The following DMD variants were observed in gnomAD, a reference collection of about 807,000 sequenced individuals.
The protein encoded by DMD is mutant dystrophin.
A neutral mutation model predicts 330.1 loss-of-function variants in DMD; 63 were observed. The ratio of observed to expected loss-of-function variants is 0.19; its 90% CI spans 0.16 to 0.24. DMD has a LOEUF of 0.24. Ranked by LOEUF, DMD falls within the 10% of genes least tolerant of loss-of-function variation. DMD has a pLI of 1.00. For synonymous variants in DMD, 1,223 were observed against 959.8 expected (o/e 1.27, Z -5.07); for missense variants, 3,344 against 2,684.1 (o/e 1.25, Z -5.43).
At chrX:32,706,704 G>C (rs372703454) in intron 7 of DMD, among the ~76,000 whole-genome samples, 7 of 112,503 alleles carry the variant, frequency 6.2e-5, no homozygotes, top group African/African-American at 2.3e-4. Flanking sequence ...TGAGCGTTCT[G>C]TTAATCAATA....
At chrX:31,986,278 T>G (rs2095508272) in intron 44 of DMD, among the ~76,000 whole-genome samples, 1 of 112,096 alleles carries the variant, frequency 8.9e-6, no homozygotes, top group African/African-American at 3.2e-5. Flanking sequence ...AATAAAATAT[T>G]AAATAAAAGA....
At chrX:31,292,046 T>C (rs969947152) in intron 62 of DMD, among the ~76,000 whole-genome samples, 37 of 111,847 alleles carry the variant, frequency 3.3e-4, no homozygotes, top group Admixed American at 9.5e-4. Flanking sequence ...ACATTCATTA[T>C]CTTGTATTAG....
chrX:32,585,191 G>A (rs2054091555), intron 13 of DMD, among the ~76,000 whole-genome samples: 1 of 111,014 alleles, frequency 9.0e-6, no homozygotes, highest in Non-Finnish European at 1.9e-5. Context: ...TGGGAAGAGT[G>A]TGTGGATGGA....
At chrX:31,269,497 C>A (rs1362304748) in intron 62 of DMD, among the ~76,000 whole-genome samples, 3 of 111,433 alleles carry the variant, frequency 2.7e-5, no homozygotes, top group Non-Finnish European at 5.6e-5. Flanking sequence ...TAGAATGGTG[C>A]AAGGATTGGA....
At chrX:32,942,112 A>AGTGTGTGCGTGTGTGTGTGTGT (rs60820174) in intron 2 of DMD, among the ~76,000 whole-genome samples, 15,808 of 109,872 alleles carry the variant, frequency 0.14, 2,107 homozygotes, top group African/African-American at 0.41. Flanking sequence ...TTGAGAAGGG[A>AGTGTGTGCGTGTGTGTGTGTGT]GTGTGTGCGT....
chrX:31,380,600 G>T (rs1424901746), intron 60 of DMD, among the ~76,000 whole-genome samples: 1 of 111,191 alleles, frequency 9.0e-6, no homozygotes, highest in East Asian at 2.8e-4. Flanking sequence ...CATTTTACCT[G>T]TCCTAAAAGC....
chrX:32,637,145 C>T (rs889472681), intron 11 of DMD, among the ~76,000 whole-genome samples: 1 of 111,611 alleles, frequency 9.0e-6, no homozygotes, highest in Non-Finnish European at 1.9e-5. Context: ...GAATATATCA[C>T]GTTTGGAAGA....
chrX:31,815,328 T>C (rs769683727), intron 50 of DMD, among the ~76,000 whole-genome samples: 2 of 111,035 alleles, frequency 1.8e-5, no homozygotes, highest in South Asian at 7.6e-4. Flanking sequence ...CGGGTGCCTA[T>C]AATCCTAGCT....
At position 32,953,127 on chromosome X, in the gene DMD, TCCAC is replaced by T. The variant is rs1468946021; in HGVS notation, c.93+67008_93+67011del. Among the ~76,000 whole-genome samples the T allele has an allele frequency of 4.1e-3, 312 of 75,357 alleles. 1 individual carries two copies. Among genetic ancestry groups the T allele is most frequent in the Non-Finnish European group, 6.3e-3 (264 of 41,598 alleles). 65.4% of individuals were successfully genotyped at this position (75,357 alleles called of 115,157 possible). On this transcript the variant is annotated intron_variant, in intron 2 of 78. Coordinates refer to ENST00000357033, the MANE Select transcript of DMD (RefSeq NM_004006.3). ...TCCAGCCTGGGTGACAGAGCAAGAC[TCCAC>T]CAAAAAAAAAAAAAAAAAAGAAGAA... is the stretch of plus-strand genomic sequence containing the variant.
At chrX:33,306,046 T>C (rs2053757735) in intron 1 of DMD, among the ~76,000 whole-genome samples, 1 of 111,964 alleles carries the variant, frequency 8.9e-6, no homozygotes, top group Non-Finnish European at 1.9e-5. Context: ...CATAATCAAC[T>C]AGCCTGAGCC....
intron 2 of DMD, among the ~76,000 whole-genome samples, chrX:32,979,855 G>A (rs748055705): frequency 2.7e-4 from 30 of 111,346 alleles, no homozygotes; most frequent in Non-Finnish European, 5.1e-4. Flanking sequence ...GAAAAAGGAG[G>A]CTGATAGTAG....
intron 1 of DMD, among the ~76,000 whole-genome samples, chrX:33,326,608 C>T (rs1317257563): frequency 8.9e-6 from 1 of 111,804 alleles, no homozygotes; most frequent in Non-Finnish European, 1.9e-5. Flanking sequence ...AGACTGAGCA[C>T]ATGGCAGGGA....
At chrX:32,497,326 G>T (rs2043595542) in intron 19 of DMD, among the ~76,000 whole-genome samples, 1 of 111,974 alleles carries the variant, frequency 8.9e-6, no homozygotes, top group Non-Finnish European at 1.9e-5. Context: ...AGCACTCAGG[G>T]AATGATAGTT....
intron 49 of DMD, among the ~76,000 whole-genome samples, chrX:31,834,697 C>T (rs1212797182): frequency 2.7e-5 from 3 of 111,586 alleles, no homozygotes; most frequent in Non-Finnish European, 5.6e-5. Flanking sequence ...GCCTCGGCCT[C>T]GCAAAGTGCT....
At chrX:32,252,782 AAATATATATAAAT>A (rs2097276132) in intron 43 of DMD, among the ~76,000 whole-genome samples, 2 of 66,602 alleles carry the variant, frequency 3.0e-5, no homozygotes, top group African/African-American at 7.6e-5. Flanking sequence ...AAATATATAT[AAATATATATAAAT>A]ATATATATAA....
chrX:32,954,919 C>T (rs2091480349), intron 2 of DMD, among the ~76,000 whole-genome samples: 1 of 112,168 alleles, frequency 8.9e-6, no homozygotes, highest in Non-Finnish European at 1.9e-5. Context: ...ATATGTACCA[C>T]ATTTGCTTTA....
At chrX:32,474,525 C>CT (rs1294159953) in intron 21 of DMD, among the ~76,000 whole-genome samples, 5 of 111,274 alleles carry the variant, frequency 4.5e-5, no homozygotes, top group African/African-American at 1.6e-4. Context: ...CAAACATGTA[C>CT]TTTTTAAAAT....
intron 1 of DMD, among the ~76,000 whole-genome samples, chrX:33,257,861 T>C (rs2052883294): frequency 9.0e-6 from 1 of 110,552 alleles, no homozygotes; most frequent in Admixed American, 9.7e-5. Context: ...TCACTGAAGG[T>C]GCCATAGCCT....
intron 47 of DMD, among the ~76,000 whole-genome samples, chrX:31,889,117 C>G (rs2094197638): frequency 8.9e-6 from 1 of 111,775 alleles, no homozygotes; most frequent in Non-Finnish European, 1.9e-5. Flanking sequence ...GGTAAATGAA[C>G]ATTTCTAGCA....
Sources: gnomAD v4.1 joint callset for allele counts (sites outside exome capture counted in the v4.1 genomes callset) on GRCh38, gnomAD v4.1.1 for gene constraint, MANE v1.5 for transcripts, NCBI Gene and HGNC (gene_info 2026-07-23, HGNC 2026-07-21) for gene names.